Variants in INTS6 observed in about 807,000 individuals in gnomAD.
INTS6 encodes the protein DEAD box protein.
A neutral mutation model predicts 104.9 loss-of-function variants in INTS6; 16 were observed. The ratio of observed to expected loss-of-function variants is 0.15; its 90% CI spans 0.10 to 0.23. The LOEUF (loss-of-function observed/expected upper bound fraction) is 0.23, where lower values mean the gene tolerates loss of function less well. Among genes scored for constraint, INTS6 ranks in the 10% least tolerant of loss-of-function variants. INTS6 has a pLI of 1.00. For missense variants in INTS6, 584 were observed against 1,062.8 expected, an observed-to-expected ratio of 0.55 and a Z score of 6.26; for synonymous variants, 324 against 358.7, an observed-to-expected ratio of 0.90 and a Z score of 1.09.
Position 51,407,472 on chromosome 13 carries a change from A to C in INTS6, c.430-11989T>G, listed in dbSNP as rs191747746. Among the ~76,000 whole-genome samples the C allele has an allele frequency of 2.6e-5, 4 of 152,338 alleles. No individual in the cohort carries two copies. In the East Asian group the frequency reaches 7.7e-4, roughly 29 times the overall value. On this transcript the variant is annotated intron_variant, in intron 4 of 17. Coordinates refer to ENST00000311234, the MANE Select transcript of INTS6 (RefSeq NM_012141.3). ...CCAAGACAAGCTAGAAAGCTAACACAATCATTTAAAAAAGCACTAGGATGA... is the reference window on the plus strand; with the variant it reads ...CCAAGACAAGCTAGAAAGCTAACACCATCATTTAAAAAAGCACTAGGATGA...
chr13:51,347,873 G>A, the INTS6 span, among the ~76,000 whole-genome samples: 1 of 151,970 alleles, frequency 6.6e-6, no homozygotes, highest in Non-Finnish European at 1.5e-5. Context: ...CCATCCACAG[G>A]TTCAGGCCTC....
At chr13:51,385,395 C>T (rs1472684384) in intron 7 of INTS6, 1 of 152,212 alleles carries the variant, frequency 6.6e-6, no homozygotes, top group Non-Finnish European at 1.5e-5. Context: ...CTGTGCCTAG[C>T]ATGCACCTGA....
chr13:51,336,545 T>C, the INTS6 span, among the ~76,000 whole-genome samples: 2 of 152,198 alleles, frequency 1.3e-5, no homozygotes, highest in Non-Finnish European at 2.9e-5. Context: ...CATAGATTCA[T>C]AGTCCAGCCG....
chr13:51,373,661 T>G (rs779588114), intron 15 of INTS6, among the ~76,000 whole-genome samples: 2 of 152,220 alleles, frequency 1.3e-5, no homozygotes, highest in Non-Finnish European at 2.9e-5. Context: ...GCTTTTGGCT[T>G]AAGCATTAAC....
intron 12 of INTS6, among the ~76,000 whole-genome samples, 158 bp from the exon 13 acceptor site, chr13:51,376,332 G>GT (rs1241989628): frequency 4.6e-5 from 7 of 152,076 alleles, no homozygotes; most frequent in African/African-American, 1.7e-4. Flanking sequence ...TAATGTACCG[G>GT]TTCAGGGCCA....
intron 11 of INTS6, 107 bp from the exon 12 acceptor site, chr13:51,378,561 A>G: frequency 5.2e-6 from 3 of 580,896 alleles, no homozygotes; most frequent in Non-Finnish European, 7.8e-6. Context: ...TTAAGTATAT[A>G]AGAAGTTAAA....
the INTS6 span, chr13:51,339,282 C>T: frequency 6.6e-6 from 1 of 152,204 alleles, no homozygotes; most frequent in Admixed American, 6.5e-5. Flanking sequence ...AAGTCATGCC[C>T]AATGACTGAT....
intron 5 of INTS6, among the ~76,000 whole-genome samples, chr13:51,390,281 TGTTGACTTA>T (rs1457141030): frequency 6.6e-6 from 1 of 152,004 alleles, no homozygotes; most frequent in Non-Finnish European, 1.5e-5. Flanking sequence ...CACCTGATTT[TGTTGACTTA>T]GTATGAAAAA....
chr13:51,429,643 A>T (rs1437667345), intron 4 of INTS6, among the ~76,000 whole-genome samples: 2 of 151,104 alleles, frequency 1.3e-5, no homozygotes, highest in Non-Finnish European at 3.0e-5. Flanking sequence ...TCATGCCTGT[A>T]ATCCCAGTTA....
chr13:51,342,694 G>A, the INTS6 span, among the ~76,000 whole-genome samples: 2 of 152,142 alleles, frequency 1.3e-5, no homozygotes, highest in African/African-American at 4.8e-5. Flanking sequence ...AGATGGAGAG[G>A]AGAGTTCTGT....
chr13:51,410,144 G>A (rs1330083359), intron 4 of INTS6, among the ~76,000 whole-genome samples: 1 of 152,120 alleles, frequency 6.6e-6, no homozygotes, highest in Non-Finnish European at 1.5e-5. Flanking sequence ...GGTAAAAAGT[G>A]TCATTTTTCC....
intron 2 of INTS6, 29 bp downstream of exon 2, chr13:51,451,949 G>A (rs1953065112): frequency 6.4e-7 from 1 of 1,568,906 alleles, no homozygotes; most frequent in Non-Finnish European, 8.7e-7. Flanking sequence ...GAAGGGAAGG[G>A]AGGAAAGGGG....
intron 3 of INTS6, chr13:51,444,282 T>A (rs1442437830): frequency 6.9e-6 from 1 of 144,986 alleles, no homozygotes; most frequent in Non-Finnish European, 1.5e-5. Flanking sequence ...TTTTTTTTTT[T>A]TTAGTAGAGA....
chr13:51,434,264 T>C (rs1170476754), intron 3 of INTS6, among the ~76,000 whole-genome samples: 1 of 152,156 alleles, frequency 6.6e-6, no homozygotes, highest in African/African-American at 2.4e-5. Context: ...AATCAGTGTA[T>C]CTTCCCCCAA....
At chr13:51,405,474 G>C (rs919969019) in intron 4 of INTS6, among the ~76,000 whole-genome samples, 1 of 152,100 alleles carries the variant, frequency 6.6e-6, no homozygotes, top group African/African-American at 2.4e-5. Context: ...GTCTTTTGGA[G>C]TTATACTTAG....
chr13:51,367,839 T>C lies in INTS6; in HGVS notation c.2536A>G (p.Ile846Val). 1.3e-6 allele frequency: 2 copies of C among 1,593,468 alleles called. No individual in the cohort carries two copies. The highest frequency in any genetic ancestry group is 1.7e-6 in the Non-Finnish European group (2 of 1,169,084). The change falls in exon 17 of 18, where the codon ATA becomes GTA. Residue 846 changes from isoleucine to valine, a missense_variant. Physicochemically the swap from Ile to Val is conservative, Grantham distance 29 (BLOSUM62 3). Transcript: ENST00000311234. ...TCTTTAATGACATTTTGTAAAAATA[T>C]TAGTCTTGTTTGTAAACTGCCTTGC... is the stretch of plus-strand genomic sequence containing the variant. ...HVQGSLQTRL[I>V]FLQNVIKEAS...
intron 4 of INTS6, among the ~76,000 whole-genome samples, chr13:51,414,895 C>T (rs1956758920): frequency 6.6e-6 from 1 of 150,670 alleles, no homozygotes; most frequent in Non-Finnish European, 1.5e-5. Context: ...GATTGAATTC[C>T]TCAACTTCCT....
chr13:51,387,401 T>C lies in INTS6; in HGVS notation c.879A>G (p.Gln293=), dbSNP rs1398077154. The C allele has an allele frequency of 6.2e-7, 1 of 1,611,534 alleles. No individual in the cohort carries two copies. Among genetic ancestry groups the C allele is most frequent in the Admixed American group, 1.7e-5 (1 of 59,790 alleles). ...WPVPESFWPD[Q]NSPTLPPRTS... is the part of the protein sequence containing the mutation. The stretch of plus-strand genomic sequence containing the variant: ...TGGTACTTACTAGTGTTGGCGAATT[T>C]TGATCTGGCCAAAAAGACTCTGGAA... Residue 293 remains glutamine, a synonymous_variant, in exon 7 of 18, where the codon CAA becomes CAG. Coordinates refer to ENST00000311234, the MANE Select transcript of INTS6 (RefSeq NM_012141.3).
intron 4 of INTS6, among the ~76,000 whole-genome samples, chr13:51,406,735 T>C (rs1956574294): frequency 6.6e-6 from 1 of 152,170 alleles, no homozygotes; most frequent in African/African-American, 2.4e-5. Context: ...TATGGTCAAG[T>C]CCAACCTTCT....
Sources: allele counts gnomAD v4.1 joint callset (sites outside exome capture counted in the v4.1 genomes callset), GRCh38; gene constraint gnomAD v4.1.1; transcripts MANE v1.5; gene names NCBI Gene and HGNC (gene_info 2026-07-23, HGNC 2026-07-21).